The following NEUROD1 variants were observed in gnomAD, a reference collection of about 807,000 sequenced individuals.
The protein encoded by NEUROD1 is neurogenic differentiation factor 1.
In NEUROD1, 9 loss-of-function variants were observed where a neutral mutation model predicts 21.8. That is an observed-to-expected ratio of 0.41 (90% CI 0.25 to 0.72). The LOEUF is 0.72. Among genes scored for constraint, NEUROD1 ranks in the 30% least tolerant of loss-of-function variants. NEUROD1 has a pLI of 0.31. For synonymous variants in NEUROD1, 199 were observed against 186.2 expected, an observed-to-expected ratio of 1.07 and a Z score of -0.56; for missense variants, 434 against 468.8, an observed-to-expected ratio of 0.93 and a Z score of 0.69.
chr2:181,679,534 G>C (rs1347997471), intron 1 of NEUROD1, among the ~76,000 whole-genome samples: 1 of 152,166 alleles, frequency 6.6e-6, no homozygotes, highest in African/African-American at 2.4e-5. Context: ...TTCTTTTCTT[G>C]CCTTCCATCT....
chr2:181,673,905 C>T (rs187993826), downstream of NEUROD1, among the ~76,000 whole-genome samples: 20 of 152,104 alleles, frequency 1.3e-4, no homozygotes, highest in African/African-American at 3.6e-4. Context: ...TAAATTAGAA[C>T]ACAAAATTTA....
chr2:181,679,603 G>C (rs1688661123), intron 1 of NEUROD1, among the ~76,000 whole-genome samples: 1 of 152,232 alleles, frequency 6.6e-6, no homozygotes. Flanking sequence ...GCGAGGGCTG[G>C]GGGCGCGGCG....
In NEUROD1 at chr2:181,678,095, A is replaced by G. The variant is rs556602572; in HGVS notation, c.766T>C (p.Phe256Leu). 1.9e-5 allele frequency: 31 copies of G among 1,614,104 alleles called. No individual in the cohort carries two copies. The highest frequency in any genetic ancestry group is 2.5e-5 in the Non-Finnish European group (30 of 1,180,052). ...CAATCAGTCAGAGGGCTTTCAAAGA[A>G]GGGCTCCAGCGCTGCGCTGTAGGCG... ...PHAYSAALEP[F>L]FESPLTDCTS... Residue 256 changes from phenylalanine to leucine, a missense_variant, in exon 2 of 2, where the codon TTC becomes CTC. Physicochemically the swap from Phe to Leu is conservative, Grantham distance 22. Coordinates refer to ENST00000295108, the MANE Select transcript of NEUROD1 (RefSeq NM_002500.5). The surrounding 1 kb of genome is among the most constrained non-coding windows in gnomAD (Gnocchi z 5.5).
At chr2:181,671,256 G>A (rs1372976337) in exon 2 of NEUROD1, among the ~76,000 whole-genome samples, 1 of 152,042 alleles carries the variant, frequency 6.6e-6, no homozygotes, top group East Asian at 1.9e-4. Flanking sequence ...ATCTAAACAA[G>A]TAGCCTTGCC....
At chr2:181,668,639 G>C (rs1236635897), downstream of NEUROD1, among the ~76,000 whole-genome samples, 1 of 152,116 alleles carries the variant, frequency 6.6e-6, no homozygotes, top group Admixed American at 6.6e-5. Context: ...CTGCTTTTCT[G>C]AGCCCCATGG....
In NEUROD1 at chr2:181,678,297, C is replaced by T. The variant is rs1226598205; in HGVS notation, c.564G>A (p.Leu188=). 1 of 1,614,124 alleles carries T rather than the reference C, an allele frequency of 6.2e-7. No homozygotes were observed. The highest frequency in any genetic ancestry group is 1.1e-5 in the South Asian group (1 of 91,072). Residue 188 remains leucine, a synonymous_variant, in exon 2 of 2, where the codon CTG becomes CTA. Transcript: ENST00000295108. This position sits in a 1 kb window ranked among gnomAD's most constrained non-coding sequence, Gnocchi z 5.5. The part of the protein sequence containing the change: ...QPTTNLVAGC[L]QLNPRTFLPE... Reference sequence around the variant, plus strand: ...GCAGAAAAGTCCGAGGATTGAGTTGCAGGCAGCCCGCAACCAGGTTGGTGG... The same window carrying T: ...GCAGAAAAGTCCGAGGATTGAGTTGTAGGCAGCCCGCAACCAGGTTGGTGG...
At chr2:181,679,651 A>C (rs1688662290) in intron 1 of NEUROD1, among the ~76,000 whole-genome samples, 2 of 152,250 alleles carry the variant, frequency 1.3e-5, no homozygotes, top group African/African-American at 4.8e-5. Context: ...CAGGTGCGGA[A>C]GGCTCCTCTC....
In NEUROD1 at chr2:181,678,345, A is replaced by G; in HGVS notation, c.516T>C (p.Leu172=). The change falls in exon 2 of 2, where the codon CTT becomes CTC. Residue 172 remains leucine, a synonymous_variant. Coordinates refer to ENST00000295108, the MANE Select transcript of NEUROD1 (RefSeq NM_002500.5). The surrounding 1 kb of genome is among the most constrained non-coding windows in gnomAD (Gnocchi z 5.5). ...TGGTGGGTTGGGATAAGCCCTTGCAAAGCGTCTGAACGAAGGAGACCAGGT... is the reference window on the plus strand; with the variant it reads ...TGGTGGGTTGGGATAAGCCCTTGCAGAGCGTCTGAACGAAGGAGACCAGGT... The part of the protein sequence containing the change: ...SPDLVSFVQT[L]CKGLSQPTTN... 1 of 1,614,146 alleles carries G rather than the reference A, an allele frequency of 6.2e-7. No individual in the cohort carries two copies. Among genetic ancestry groups the G allele is most frequent in the Non-Finnish European group, 8.5e-7 (1 of 1,180,006 alleles).
At position 181,678,139 on chromosome 2, in the gene NEUROD1, T is replaced by A; in HGVS notation, c.722A>T (p.His241Leu). 1.9e-6 allele frequency: 3 copies of A among 1,614,036 alleles called. No individual in the cohort carries two copies. Among genetic ancestry groups the A allele is most frequent in the Non-Finnish European group, 2.5e-6 (3 of 1,180,006 alleles). The change falls in exon 2 of 2, where the codon CAC (histidine) becomes CTC (leucine). Residue 241 changes from histidine (H) to leucine (L), a missense_variant. Physicochemically the swap from His to Leu is moderately conservative, Grantham distance 99. Transcript: ENST00000295108. This position sits in a 1 kb window ranked among gnomAD's most constrained non-coding sequence, Gnocchi z 5.5. ...GTAGGCGTGCGGCGGAGGCTTAACG[T>A]GGAAGACATGGGAGCTGTCCATGGT... Reference protein sequence around the residue: ...YGTMDSSHVFHVKPPPHAYSA... With the variant: ...YGTMDSSHVFLVKPPPHAYSA...
At chr2:181,673,753 T>C (rs1403692743), downstream of NEUROD1, among the ~76,000 whole-genome samples, 1 of 152,196 alleles carries the variant, frequency 6.6e-6, no homozygotes, top group Admixed American at 6.5e-5. Flanking sequence ...TCTTGTATAA[T>C]TATAGAACTA....
chr2:181,676,399 C>CA (rs1191563884), downstream of NEUROD1: 1 of 152,574 alleles, frequency 6.6e-6, no homozygotes, highest in Non-Finnish European at 1.5e-5. Flanking sequence ...TTTAACTCAG[C>CA]AAAAAAGCAA....
chr2:181,676,307 C>T (rs1321633044), downstream of NEUROD1, among the ~76,000 whole-genome samples: 1 of 152,176 alleles, frequency 6.6e-6, no homozygotes, highest in African/African-American at 2.4e-5. Flanking sequence ...TGGTGACTCC[C>T]TGTGCAAGAT....
chr2:181,671,120 G>A lies in NEUROD1; in HGVS notation n.2826C>T, dbSNP rs540858832. Among the ~76,000 whole-genome samples the A allele has an allele frequency of 2.0e-5, 3 of 151,468 alleles. No homozygotes were observed. In the East Asian group the frequency reaches 5.8e-4, roughly 29 times the overall value. On this transcript the variant is annotated non_coding_transcript_exon_variant, in exon 2 of 2. Transcript: ENST00000496876. ...AATATGTTTTAATATAAATGCACCAGTAGTTAATTAGACAAAAAATAAAAC... is the reference window on the plus strand; with the variant it reads ...AATATGTTTTAATATAAATGCACCAATAGTTAATTAGACAAAAAATAAAAC...
downstream of NEUROD1, among the ~76,000 whole-genome samples, chr2:181,669,033 C>T (rs945770823): frequency 1.3e-5 from 2 of 152,194 alleles, no homozygotes; most frequent in Non-Finnish European, 2.9e-5. Flanking sequence ...ACTCCTATAT[C>T]TGGATATAAG....
chr2:181,678,576 G>C lies in NEUROD1; in HGVS notation c.285C>G (p.Arg95=). The C allele has an allele frequency of 6.2e-7, 1 of 1,614,206 alleles. No individual in the cohort carries two copies. Among genetic ancestry groups the C allele is most frequent in the Non-Finnish European group, 8.5e-7 (1 of 1,180,042 alleles). Residue 95 remains arginine (R), a synonymous_variant, in exon 2 of 2, where the codon CGC becomes CGG. Transcript: ENST00000295108. This position sits in a 1 kb window ranked among gnomAD's most constrained non-coding sequence, Gnocchi z 5.5. ...GPKKKKMTKA[R]LERFKLRRMK... ...TGCGTCTCAATTTAAAACGCTCCAG[G>C]CGAGCCTTAGTCATCTTCTTCTTTT...
chr2:181,677,690 C>A lies in NEUROD1; in HGVS notation c.*100G>T. ...TCACTTGAAGCTTGGAGTATTTGCA[C>A]TTTGCAGCAGTAGTACCCAAAGGGC... On this transcript the variant is annotated 3_prime_UTR_variant, in exon 2 of 2. Transcript: ENST00000295108. 1 of 1,604,148 alleles carries A rather than the reference C, an allele frequency of 6.2e-7. No homozygotes were observed. Among genetic ancestry groups the A allele is most frequent in the East Asian group, 2.2e-5 (1 of 44,870 alleles).
chr2:181,679,269 T>TAAAA (rs35681168), intron 1 of NEUROD1, among the ~76,000 whole-genome samples: 1 of 136,920 alleles, frequency 7.3e-6, no homozygotes, highest in African/African-American at 2.6e-5. Context: ...CACAACTCCA[T>TAAAA]AAAAAAAAAA....
chr2:181,677,591 A>T lies in NEUROD1; in HGVS notation c.*199T>A. ...TTTTTTAAATAGAAGAGCTATAGAA[A>T]ATAATACATAAGGTGAACAGGAACT... On this transcript the variant is annotated 3_prime_UTR_variant, in exon 2 of 2. Coordinates refer to ENST00000295108, the MANE Select transcript of NEUROD1 (RefSeq NM_002500.5). The T allele has an allele frequency of 1.1e-6, 1 of 919,404 alleles. No individual in the cohort carries two copies. The highest frequency in any genetic ancestry group is 1.7e-5 in the African/African-American group (1 of 60,270). The allele number at this position is 919,404 out of a possible 1,614,324, so 57.0% of individuals were successfully genotyped here. A position where few individuals can be genotyped will look rare whatever the true frequency, so the allele number is the denominator to read the frequency against.
At chr2:181,669,398 T>C (rs1425319158), downstream of NEUROD1, among the ~76,000 whole-genome samples, 1 of 152,180 alleles carries the variant, frequency 6.6e-6, no homozygotes, top group Non-Finnish European at 1.5e-5. Flanking sequence ...CCCGTCTATC[T>C]TTCTACCCTA....
Sources: gnomAD v4.1 joint callset for allele counts (sites outside exome capture counted in the v4.1 genomes callset) on GRCh38, gnomAD v4.1.1 for gene constraint, Gnocchi (gnomAD v3.1) non-coding constraint, MANE v1.5 for transcripts, NCBI Gene and HGNC (gene_info 2026-07-23, HGNC 2026-07-21) for gene names.